Variants in NDRG3 observed in about 807,000 individuals in gnomAD.
The protein encoded by NDRG3 is protein NDRG3.
NDRG3 carries 23 observed loss-of-function variants against 57.2 expected under a neutral mutation model. The ratio of observed to expected loss-of-function variants is 0.40; its 90% CI spans 0.29 to 0.57. NDRG3 has a LOEUF of 0.57. Among genes scored for constraint, NDRG3 ranks in the 20% least tolerant of loss-of-function variants. NDRG3 has a pLI of 0.42. For missense variants in NDRG3, 384 were observed against 457.3 expected (o/e 0.84, Z 1.46); for synonymous variants, 132 against 162.6 (o/e 0.81, Z 1.43).
At chr20:36,706,327 A>G (rs1983545255) in intron 3 of NDRG3, among the ~76,000 whole-genome samples, 1 of 152,138 alleles carries the variant, frequency 6.6e-6, no homozygotes, top group African/African-American at 2.4e-5. Context: ...CCCTTCTCCT[A>G]TCTTCTCTGC....
chr20:36,679,984 C>A (rs1003979312), intron 8 of NDRG3, among the ~76,000 whole-genome samples: 3 of 151,040 alleles, frequency 2.0e-5, no homozygotes, highest in Non-Finnish European at 4.4e-5. Context: ...ACCACCACAC[C>A]CGACTAATTT....
At chr20:36,658,866 T>A (rs1244058404) in intron 13 of NDRG3, among the ~76,000 whole-genome samples, 1 of 151,962 alleles carries the variant, frequency 6.6e-6, no homozygotes, top group Non-Finnish European at 1.5e-5. Flanking sequence ...GAATTGTTAC[T>A]AAAAGCTTCC....
intron 15 of NDRG3, 30 bp downstream of exon 15, chr20:36,656,330 T>C (rs1978665101): frequency 1.2e-6 from 2 of 1,606,408 alleles, no homozygotes; most frequent in African/African-American, 2.7e-5. Flanking sequence ...TCCTAAATCG[T>C]TGCTAGATAG....
chr20:36,688,566 G>C, intron 4 of NDRG3, 113 bp downstream of exon 4: 1 of 774,970 alleles, frequency 1.3e-6, no homozygotes, highest in Admixed American at 2.3e-5. Flanking sequence ...AGGAGGGAAA[G>C]TTACCACAGA....
intron 12 of NDRG3, among the ~76,000 whole-genome samples, chr20:36,662,848 C>A (rs1162243670): frequency 6.6e-6 from 1 of 152,030 alleles, no homozygotes; most frequent in Non-Finnish European, 1.5e-5. Context: ...GAGGGAGAGG[C>A]CTTATCTATA....
intron 2 of NDRG3, among the ~76,000 whole-genome samples, chr20:36,711,063 G>A (rs911954094): frequency 6.7e-6 from 1 of 150,058 alleles, no homozygotes; most frequent in African/African-American, 2.5e-5. Flanking sequence ...GGTGGATCAC[G>A]AGGTCAAGAG....
At chr20:36,709,048 AAAATAAGT>A (rs1983720055) in intron 2 of NDRG3, among the ~76,000 whole-genome samples, 1 of 152,202 alleles carries the variant, frequency 6.6e-6, no homozygotes, top group South Asian at 2.1e-4. Context: ...AAAAAATTAA[AAAATAAGT>A]AAATAACTAA....
At chr20:36,692,029 A>C (rs2148129572) in intron 3 of NDRG3, among the ~76,000 whole-genome samples, 1 of 152,350 alleles carries the variant, frequency 6.6e-6, no homozygotes, top group East Asian at 1.9e-4. Flanking sequence ...GTGCTATAAA[A>C]GAAACAACTA....
intron 1 of NDRG3, among the ~76,000 whole-genome samples, chr20:36,745,812 T>C (rs911459029): frequency 6.9e-5 from 10 of 144,698 alleles, no homozygotes; most frequent in African/African-American, 2.5e-4. Context: ...CCACACGCTG[T>C]CGCCGGCGGG....
At chr20:36,715,057 ATATTT>A (rs1984190652) in intron 2 of NDRG3, among the ~76,000 whole-genome samples, 1 of 116,390 alleles carries the variant, frequency 8.6e-6, no homozygotes, top group African/African-American at 3.1e-5. Flanking sequence ...TATATATATT[ATATTT>A]AAGTATCTAT....
At chr20:36,678,224 A>G (rs1980927954) in intron 8 of NDRG3, among the ~76,000 whole-genome samples, 1 of 152,212 alleles carries the variant, frequency 6.6e-6, no homozygotes, top group Non-Finnish European at 1.5e-5. Context: ...ACTATAGACT[A>G]GGAGAAGCTA....
chr20:36,734,303 T>C (rs1985498660), intron 1 of NDRG3, among the ~76,000 whole-genome samples: 1 of 152,014 alleles, frequency 6.6e-6, no homozygotes, highest in Non-Finnish European at 1.5e-5. Flanking sequence ...TCCCAAATGC[T>C]CATTTTATGC....
At chr20:36,707,981 G>C (rs1467902544) in intron 2 of NDRG3, among the ~76,000 whole-genome samples, 2 of 152,056 alleles carry the variant, frequency 1.3e-5, no homozygotes, top group African/African-American at 4.8e-5. Context: ...CTACTTGGGA[G>C]GCCGAGGCAG....
chr20:36,665,344 CAT>C (rs1168590053), intron 10 of NDRG3, 43 bp from the exon 11 acceptor site: 1 of 1,565,584 alleles, frequency 6.4e-7, no homozygotes, highest in Admixed American at 1.7e-5. Flanking sequence ...TGGGTAAAGT[CAT>C]AGCAACTCAG....
intron 8 of NDRG3, among the ~76,000 whole-genome samples, chr20:36,676,612 A>C (rs961768989): frequency 6.6e-6 from 1 of 152,088 alleles, no homozygotes; most frequent in Non-Finnish European, 1.5e-5. Flanking sequence ...ACAGGCATAC[A>C]CCACCAGGCC....
chr20:36,681,729 C>T (rs145435625), intron 7 of NDRG3, among the ~76,000 whole-genome samples: 22 of 151,138 alleles, frequency 1.5e-4, no homozygotes, highest in Admixed American at 5.3e-4. Context: ...GACAGAGTTT[C>T]GCTCTTGTTG....
At chr20:36,654,042 C>T (rs1223985732) in intron 15 of NDRG3, among the ~76,000 whole-genome samples, 2 of 152,172 alleles carry the variant, frequency 1.3e-5, no homozygotes, top group East Asian at 3.8e-4. Context: ...CCAAAACCTA[C>T]AGTGCATGCA....
chr20:36,658,431 G>A (rs1044575087), intron 13 of NDRG3, among the ~76,000 whole-genome samples: 2 of 152,140 alleles, frequency 1.3e-5, no homozygotes, highest in South Asian at 2.1e-4. Flanking sequence ...AAAATTTTTA[G>A]ACCAGCCCAT....
At chr20:36,706,128 T>C in intron 3 of NDRG3, among the ~76,000 whole-genome samples, 1 of 152,200 alleles carries the variant, frequency 6.6e-6, no homozygotes, top group Non-Finnish European at 1.5e-5. Context: ...ATTTTCAAAC[T>C]GGCAACAGAG....
Sources: gnomAD v4.1 joint callset for allele counts (sites outside exome capture counted in the v4.1 genomes callset) on GRCh38, gnomAD v4.1.1 for gene constraint, MANE v1.5 for transcripts, NCBI Gene and HGNC (gene_info 2026-07-23, HGNC 2026-07-21) for gene names.